Variants in SLC38A6 observed in about 807,000 individuals in gnomAD.
SLC38A6 encodes solute carrier family 38 member 6, also known as N system amino acid transporter NAT-1.
SLC38A6 carries 73 observed loss-of-function variants against 65.0 expected under a neutral mutation model. The observed-to-expected ratio is 1.12, with a 90% CI of 0.93 to 1.37. The LOEUF is 1.37. SLC38A6 is among the 40% of genes most tolerant of loss of function. The probability of loss-of-function intolerance (pLI) is 0.00; values close to 1 mark genes in which losing one functional copy is unlikely to be tolerated. For missense variants in SLC38A6, 561 were observed against 531.1 expected (o/e 1.06, Z -0.55); for synonymous variants, 183 against 178.8 (o/e 1.02, Z -0.19).
At chr14:61,005,196 C>T (rs1211536700) in intron 3 of SLC38A6, among the ~76,000 whole-genome samples, 2 of 152,024 alleles carry the variant, frequency 1.3e-5, no homozygotes, top group Admixed American at 1.3e-4. Context: ...ATTAGAAGAG[C>T]TATCTATGAC....
intron 16 of SLC38A6, among the ~76,000 whole-genome samples, chr14:61,081,012 C>T (rs1011786992): frequency 1.3e-5 from 2 of 152,164 alleles, no homozygotes; most frequent in Non-Finnish European, 2.9e-5. Context: ...ACTTGGATTT[C>T]GGTTTTCTGG....
intron 3 of SLC38A6, among the ~76,000 whole-genome samples, chr14:61,001,121 G>C (rs1023532436): frequency 1.2e-4 from 19 of 152,122 alleles, no homozygotes; most frequent in Non-Finnish European, 1.8e-4. Context: ...TTCTCCCATG[G>C]GGCATTTGGC....
intron 6 of SLC38A6, 186 bp downstream of exon 6, chr14:61,030,709 C>G: frequency 4.0e-6 from 2 of 499,520 alleles, no homozygotes; most frequent in South Asian, 5.1e-5. Context: ...GTTTGATTAC[C>G]CATATGAAAG....
intron 15 of SLC38A6, among the ~76,000 whole-genome samples, chr14:61,073,577 T>C (rs1464191876): frequency 6.6e-5 from 10 of 152,162 alleles, no homozygotes; most frequent in Non-Finnish European, 1.5e-4. Flanking sequence ...GTTTGAATAA[T>C]TAAGTATAAA....
At chr14:61,079,988 CT>C in intron 16 of SLC38A6, among the ~76,000 whole-genome samples, 1 of 152,174 alleles carries the variant, frequency 6.6e-6, no homozygotes, top group African/African-American at 2.4e-5. Context: ...CTTTCTTATC[CT>C]CACTGTCTCC....
intron 15 of SLC38A6, among the ~76,000 whole-genome samples, chr14:61,064,897 T>C (rs879831365): frequency 2.0e-5 from 3 of 152,154 alleles, no homozygotes; most frequent in Non-Finnish European, 4.4e-5. Context: ...TAAATTGTAC[T>C]TTTTTATTTT....
At chr14:61,028,855 T>A (rs1005822011) in intron 5 of SLC38A6, among the ~76,000 whole-genome samples, 4 of 152,216 alleles carry the variant, frequency 2.6e-5, no homozygotes, top group African/African-American at 9.6e-5. Flanking sequence ...TATAGTATTA[T>A]CTATCTCCAT....
intron 3 of SLC38A6, among the ~76,000 whole-genome samples, chr14:60,998,254 A>G (rs1164996277): frequency 6.6e-6 from 1 of 151,838 alleles, no homozygotes; most frequent in Non-Finnish European, 1.5e-5. Context: ...TTCTGTTTTC[A>G]TGTCCAAATG....
intron 3 of SLC38A6, among the ~76,000 whole-genome samples, chr14:61,013,840 G>T (rs2039776598): frequency 6.6e-6 from 1 of 152,108 alleles, no homozygotes. Flanking sequence ...TTCAACTTTG[G>T]TGAATCTGAC....
At chr14:61,036,960 CTG>C (rs34977105) in intron 6 of SLC38A6, 97 bp from the exon 7 acceptor site, 30,365 of 435,316 alleles carry the variant, frequency 0.07, 570 homozygotes, top group East Asian at 0.18. Flanking sequence ...GGTTATAACT[CTG>C]TGTGTGTGTG....
intron 5 of SLC38A6, among the ~76,000 whole-genome samples, chr14:61,023,873 C>G (rs2040475260): frequency 6.6e-6 from 1 of 151,940 alleles, no homozygotes; most frequent in Non-Finnish European, 1.5e-5. Context: ...TTCCATAAAT[C>G]AAATTAATGT....
chr14:61,019,640 T>C (rs2040235082), intron 5 of SLC38A6, 60 bp downstream of exon 5: 2 of 1,537,252 alleles, frequency 1.3e-6, no homozygotes, highest in East Asian at 4.5e-5. Context: ...GTCCTTTGAA[T>C]TGTTATCTTA....
chr14:61,003,330 G>C (rs1166978231), intron 3 of SLC38A6, among the ~76,000 whole-genome samples: 1 of 151,860 alleles, frequency 6.6e-6, no homozygotes, highest in Non-Finnish European at 1.5e-5. Context: ...TTTAAATATA[G>C]TTTTAAATGG....
intron 15 of SLC38A6, among the ~76,000 whole-genome samples, chr14:61,072,784 G>A (rs2043273941): frequency 6.6e-6 from 1 of 152,118 alleles, no homozygotes. Context: ...ATCTGTTGAT[G>A]GACACTTAGG....
chr14:60,987,837 A>G (rs1028847855), intron 3 of SLC38A6, among the ~76,000 whole-genome samples: 23 of 152,352 alleles, frequency 1.5e-4, no homozygotes, highest in Admixed American at 6.5e-5. Flanking sequence ...ACAACTCCCT[A>G]GTCGTTGATC....
intron 3 of SLC38A6, chr14:61,004,756 G>GTT (rs2038966739): frequency 6.6e-6 from 1 of 152,310 alleles, no homozygotes; most frequent in African/African-American, 2.4e-5. Context: ...TCTACCAGAG[G>GTT]TACAAGGAGG....
chr14:61,011,707 C>T (rs1231714276), intron 3 of SLC38A6, among the ~76,000 whole-genome samples: 1 of 152,172 alleles, frequency 6.6e-6, no homozygotes, highest in Non-Finnish European at 1.5e-5. Flanking sequence ...TATGTTGAAC[C>T]AGCCTTCCAT....
intron 3 of SLC38A6, among the ~76,000 whole-genome samples, chr14:60,992,421 T>A (rs1228712293): frequency 6.6e-6 from 1 of 152,222 alleles, no homozygotes; most frequent in Non-Finnish European, 1.5e-5. Flanking sequence ...ATTTCTCGGA[T>A]CTGCCTAATT....
At chr14:61,025,802 C>T (rs2040581764) in intron 5 of SLC38A6, among the ~76,000 whole-genome samples, 1 of 152,054 alleles carries the variant, frequency 6.6e-6, no homozygotes, top group Non-Finnish European at 1.5e-5. Flanking sequence ...TATAGAACTT[C>T]AGTGGCATTT....
Sources: allele counts gnomAD v4.1 joint callset (sites outside exome capture counted in the v4.1 genomes callset), GRCh38; gene constraint gnomAD v4.1.1; transcripts MANE v1.5; gene names NCBI Gene and HGNC (gene_info 2026-07-23, HGNC 2026-07-21).